The following TMEM260 variants were observed in gnomAD, a reference collection of about 807,000 sequenced individuals.
TMEM260 encodes transmembrane protein 260, also known as protein O-mannosyl-transferase TMEM260.
Under a neutral mutation model 88.9 loss-of-function variants are expected in TMEM260, and 82 were observed. The ratio of observed to expected loss-of-function variants is 0.92; its 90% CI spans 0.77 to 1.11. The LOEUF is 1.11. Among genes scored for constraint, TMEM260 ranks in the 50% least tolerant of loss-of-function variants. The probability of loss-of-function intolerance (pLI) is 0.00; values close to 1 mark genes in which losing one functional copy is unlikely to be tolerated. For synonymous variants in TMEM260, 314 were observed against 309.3 expected (o/e 1.02, Z -0.16); for missense variants, 902 against 853.4 (o/e 1.06, Z -0.71).
chr14:56,585,524 T>C (rs2139499100), intron 2 of TMEM260, among the ~76,000 whole-genome samples: 1 of 152,058 alleles, frequency 6.6e-6, no homozygotes, highest in East Asian at 1.9e-4. Context: ...GACAATGAAA[T>C]ATGTCACCCT....
chr14:56,608,337 T>C (rs753008771), intron 5 of TMEM260, among the ~76,000 whole-genome samples: 4 of 152,202 alleles, frequency 2.6e-5, no homozygotes, highest in Admixed American at 2.6e-4. Flanking sequence ...AAGTAAGCAG[T>C]ATTTGAATCT....
At chr14:56,646,534 T>TA (rs933194624) in intron 15 of TMEM260, among the ~76,000 whole-genome samples, 31 of 152,248 alleles carry the variant, frequency 2.0e-4, no homozygotes, top group Middle Eastern at 3.4e-3. Context: ...AAACTCAGTA[T>TA]AAAAAAAATT....
intron 3 of TMEM260, among the ~76,000 whole-genome samples, chr14:56,601,273 A>G (rs1405843306): frequency 6.6e-6 from 1 of 152,188 alleles, no homozygotes; most frequent in African/African-American, 2.4e-5. Flanking sequence ...TAATCATTAT[A>G]GATTAGTGAA....
chr14:56,658,676 A>G, the TMEM260 span, among the ~76,000 whole-genome samples: 39 of 152,244 alleles, frequency 2.6e-4, no homozygotes, highest in Non-Finnish European at 4.4e-4. Context: ...AGGAAACTAA[A>G]GAGACATGAC....
chr14:56,614,182 T>C (rs1887459526), intron 7 of TMEM260, among the ~76,000 whole-genome samples: 1 of 147,046 alleles, frequency 6.8e-6, no homozygotes, highest in East Asian at 2.0e-4. Context: ...GTGCTGGGAT[T>C]ACCAGAGTGA....
At chr14:56,643,907 T>C (rs1399892979) in intron 15 of TMEM260, among the ~76,000 whole-genome samples, 1 of 152,146 alleles carries the variant, frequency 6.6e-6, no homozygotes. Context: ...CCATTCACAA[T>C]TGCTTCAAAG....
chr14:56,608,033 G>GCA (rs1160279404), intron 5 of TMEM260, among the ~76,000 whole-genome samples: 1 of 152,110 alleles, frequency 6.6e-6, no homozygotes, highest in Non-Finnish European at 1.5e-5. Flanking sequence ...AATAGCAAAG[G>GCA]CATGTTGTTA....
intron 6 of TMEM260, among the ~76,000 whole-genome samples, chr14:56,610,348 C>T (rs1337458013): frequency 2.6e-5 from 4 of 152,170 alleles, no homozygotes; most frequent in Non-Finnish European, 5.9e-5. Flanking sequence ...TCACGCCATT[C>T]TGCTGCCTCA....
intron 3 of TMEM260, among the ~76,000 whole-genome samples, chr14:56,587,546 T>C (rs1885583936): frequency 6.6e-6 from 1 of 152,038 alleles, no homozygotes. Context: ...ACGCTTTTCT[T>C]TTAATATGCA....
intron 3 of TMEM260, among the ~76,000 whole-genome samples, chr14:56,587,284 T>A (rs1204791834): frequency 1.1e-4 from 17 of 152,064 alleles, no homozygotes; most frequent in African/African-American, 3.8e-4. Flanking sequence ...CATAGACATA[T>A]ATTTAAATGT....
intron 15 of TMEM260, among the ~76,000 whole-genome samples, chr14:56,639,020 G>A (rs1889353604): frequency 6.6e-6 from 1 of 152,170 alleles, no homozygotes; most frequent in South Asian, 2.1e-4. Flanking sequence ...AAATATTCCA[G>A]AAAAAGGTAG....
the TMEM260 span, among the ~76,000 whole-genome samples, chr14:56,659,531 T>C: frequency 1.3e-5 from 2 of 152,218 alleles, no homozygotes. Context: ...GGGTGAGAAC[T>C]GGGCAGCCCC....
intron 3 of TMEM260, among the ~76,000 whole-genome samples, chr14:56,586,237 G>A (rs2139501404): frequency 6.6e-6 from 1 of 152,152 alleles, no homozygotes; most frequent in East Asian, 1.9e-4. Flanking sequence ...TTTGGTAAAT[G>A]GTAAATATCA....
the TMEM260 span, among the ~76,000 whole-genome samples, chr14:56,661,946 C>T: frequency 1.3e-5 from 2 of 152,136 alleles, no homozygotes; most frequent in Non-Finnish European, 2.9e-5. Flanking sequence ...AAGGTTGTGA[C>T]AGAAGAATTA....
chr14:56,593,677 C>CT (rs34268894), intron 3 of TMEM260, among the ~76,000 whole-genome samples: 11,104 of 63,496 alleles, frequency 0.17, 3,754 homozygotes, highest in Non-Finnish European at 0.22. Context: ...AGGTGAGTGT[C>CT]TTTTTTTTTT....
At chr14:56,626,278 G>A (rs991447592) in intron 12 of TMEM260, among the ~76,000 whole-genome samples, 6 of 152,096 alleles carry the variant, frequency 3.9e-5, no homozygotes, top group South Asian at 2.1e-4. Flanking sequence ...TATATGGCTC[G>A]TGGAGTAAAC....
chr14:56,612,445 C>T (rs758933111), intron 7 of TMEM260, 160 bp downstream of exon 7: 10 of 652,070 alleles, frequency 1.5e-5, no homozygotes, highest in Non-Finnish European at 2.7e-5. Context: ...AGTTGTCCCT[C>T]AGTATCCATG....
intron 15 of TMEM260, 22 bp from the exon 16 acceptor site, chr14:56,647,221 C>T: frequency 1.3e-6 from 2 of 1,568,630 alleles, no homozygotes; most frequent in East Asian, 2.3e-5. Flanking sequence ...AATGGAATAC[C>T]AACATTTCTG....
rs1010823866 is a variant in TMEM260, at chr14:56,647,799, G to C, written c.*302G>C. 3.3e-6 allele frequency: 1 copy of C among 307,126 alleles called. No individual in the cohort carries two copies. The highest frequency in any genetic ancestry group is 6.0e-6 in the Non-Finnish European group (1 of 165,846). The allele number at this position is 307,126 out of a possible 1,614,324, so 19.0% of individuals were successfully genotyped here. On this transcript the variant is annotated 3_prime_UTR_variant, in exon 16 of 16. Coordinates refer to ENST00000261556, the MANE Select transcript of TMEM260 (RefSeq NM_017799.4). ...ACTGGATTAGATTCTAGAAGAGAATGAACCATTTTCATATAACTAAATATT... is the reference window on the plus strand; with the variant it reads ...ACTGGATTAGATTCTAGAAGAGAATCAACCATTTTCATATAACTAAATATT...
Sources: gnomAD v4.1 joint callset for allele counts (sites outside exome capture counted in the v4.1 genomes callset) on GRCh38, gnomAD v4.1.1 for gene constraint, MANE v1.5 for transcripts, NCBI Gene and HGNC (gene_info 2026-07-23, HGNC 2026-07-21) for gene names.